The following LRP1B variants were observed in gnomAD, a reference collection of about 807,000 sequenced individuals.
LRP1B encodes low-density lipoprotein receptor-related protein 1B.
LRP1B carries 217 observed loss-of-function variants against 556.6 expected under a neutral mutation model. The ratio of observed to expected loss-of-function variants is 0.39; its 90% CI spans 0.35 to 0.44. The LOEUF (loss-of-function observed/expected upper bound fraction) is 0.44. Among genes scored for constraint, LRP1B ranks in the 20% least tolerant of loss-of-function variants. The probability of loss-of-function intolerance (pLI) is 1.00; values close to 1 mark genes in which losing one functional copy is unlikely to be tolerated. For missense variants in LRP1B, 5,053 were observed against 5,620.8 expected, an observed-to-expected ratio of 0.90 and a Z score of 3.23; for synonymous variants, 2,047 against 1,865.8, an observed-to-expected ratio of 1.10 and a Z score of -2.50.
intron 3 of LRP1B, among the ~76,000 whole-genome samples, chr2:141,290,124 C>A (rs557258728): frequency 1.3e-5 from 2 of 152,224 alleles, no homozygotes; most frequent in African/African-American, 4.8e-5. Context: ...ACCTCTCCCT[C>A]CTGCTTCATG....
At chr2:141,444,379 G>T (rs965926670) in intron 3 of LRP1B, among the ~76,000 whole-genome samples, 1 of 152,126 alleles carries the variant, frequency 6.6e-6, no homozygotes, top group South Asian at 2.1e-4. Context: ...ATCTCAAATA[G>T]AGATAATTTG....
chr2:140,313,090 CTAAAATACCAAACAATGTTTTTA>C (rs1193936802), intron 83 of LRP1B, among the ~76,000 whole-genome samples: 17 of 151,754 alleles, frequency 1.1e-4, no homozygotes, highest in Non-Finnish European at 2.4e-4. Context: ...GTTCTACAGT[CTAAAATACCAAACAATGTTTTTA>C]TAAAACCACA....
chr2:141,894,915 G>T (rs1463804645), intron 1 of LRP1B, among the ~76,000 whole-genome samples: 1 of 151,716 alleles, frequency 6.6e-6, no homozygotes, highest in East Asian at 1.9e-4. Flanking sequence ...GGGCATGGTG[G>T]TGCATGCCTG....
At chr2:141,017,338 G>A (rs943654695) in intron 12 of LRP1B, among the ~76,000 whole-genome samples, 4 of 151,260 alleles carry the variant, frequency 2.6e-5, no homozygotes, top group African/African-American at 9.7e-5. Flanking sequence ...AATCAATACG[G>A]TTTTATTTTT....
intron 7 of LRP1B, among the ~76,000 whole-genome samples, chr2:141,145,497 T>TA (rs1417134044): frequency 1.3e-5 from 2 of 152,116 alleles, no homozygotes; most frequent in South Asian, 2.1e-4. Context: ...ATACCTGTCA[T>TA]AAAATACTGT....
At chr2:142,096,771 T>C (rs1706385261) in intron 1 of LRP1B, among the ~76,000 whole-genome samples, 1 of 151,640 alleles carries the variant, frequency 6.6e-6, no homozygotes, top group African/African-American at 2.4e-5. Context: ...TGTGCATTTG[T>C]TACCTGGTAT....
chr2:141,854,078 T>C (rs1697957311), intron 1 of LRP1B, among the ~76,000 whole-genome samples: 1 of 151,996 alleles, frequency 6.6e-6, no homozygotes, highest in South Asian at 2.1e-4. Context: ...CCATTAAACA[T>C]TGCAATAAAA....
intron 1 of LRP1B, among the ~76,000 whole-genome samples, chr2:141,841,224 C>G (rs960445422): frequency 6.6e-6 from 1 of 152,042 alleles, no homozygotes; most frequent in Non-Finnish European, 1.5e-5. Context: ...TTGAGTGTTA[C>G]TCTTGTGAGC....
At chr2:140,813,919 C>T in intron 31 of LRP1B, 113 bp from the exon 32 acceptor site, 1 of 724,456 alleles carries the variant, frequency 1.4e-6, no homozygotes, top group Non-Finnish European at 2.3e-6. Flanking sequence ...AGATTTTTGT[C>T]TTTACAAATA....
chr2:141,423,789 A>G (rs1252353146), intron 3 of LRP1B, among the ~76,000 whole-genome samples: 1 of 151,178 alleles, frequency 6.6e-6, no homozygotes, highest in Non-Finnish European at 1.5e-5. Flanking sequence ...CATTTAATAT[A>G]CTACTGTTTT....
chr2:141,229,557 T>G (rs1683381295), intron 5 of LRP1B, 117 bp from the exon 6 acceptor site: 1 of 805,444 alleles, frequency 1.2e-6, no homozygotes, highest in African/African-American at 1.8e-5. Context: ...AACAAAAATT[T>G]TCTTATAAAA....
At chr2:141,373,852 CTT>C (rs1689329901) in intron 3 of LRP1B, among the ~76,000 whole-genome samples, 1 of 151,742 alleles carries the variant, frequency 6.6e-6, no homozygotes, top group Non-Finnish European at 1.5e-5. Flanking sequence ...TTCCTTTTCT[CTT>C]TGTTTTATTT....
intron 3 of LRP1B, among the ~76,000 whole-genome samples, chr2:141,375,986 G>A (rs975316619): frequency 5.3e-5 from 8 of 152,216 alleles, no homozygotes; most frequent in East Asian, 1.9e-4. Flanking sequence ...AGAAGCTGTC[G>A]GGAGAGCAGC....
In LRP1B at chr2:141,570,663, G is replaced by A. The variant is rs540404854; in HGVS notation, c.206-90130C>T. 1.3e-5 allele frequency among the ~76,000 whole-genome samples: 2 copies of A among 151,238 alleles called. 1 individual carries two copies. Among genetic ancestry groups the A allele is most frequent in the Non-Finnish European group, 3.0e-5 (2 of 67,416 alleles). ...GCCTAACAAGCTAAGCTCCCCGGTT[G>A]GGGGAAGGGCGGCATCCATCTCTAT... On this transcript the variant is annotated intron_variant, in intron 2 of 90. Coordinates refer to ENST00000389484, the MANE Select transcript of LRP1B (RefSeq NM_018557.3).
chr2:141,471,275 T>TG lies in LRP1B; in HGVS notation c.343+9120_343+9121insC, dbSNP rs1559089345. Among the ~76,000 whole-genome samples, 383 of 87,852 alleles carry TG rather than the reference T, an allele frequency of 4.4e-3. 5 individuals are homozygous for TG. Among genetic ancestry groups the TG allele is most frequent in the African/African-American group, 0.011 (355 of 31,702 alleles). 57.6% of individuals were successfully genotyped at this position (87,852 alleles called of 152,430 possible). A position where few individuals can be genotyped will look rare whatever the true frequency, so the allele number is the denominator to read the frequency against. On this transcript the variant is annotated intron_variant, in intron 3 of 90. Transcript: ENST00000389484. ...TTGAGAATATACCCTGGTATTTTTT[T>TG]TTTTTTTTTTTTTTTTTTTACTCTC...
At chr2:140,659,316 G>C (rs531406638) in intron 41 of LRP1B, among the ~76,000 whole-genome samples, 1 of 151,806 alleles carries the variant, frequency 6.6e-6, no homozygotes, top group South Asian at 2.1e-4. Flanking sequence ...TAGACATATG[G>C]AATGATACTA....
intron 2 of LRP1B, among the ~76,000 whole-genome samples, chr2:141,758,082 T>G (rs1297320081): frequency 6.6e-6 from 1 of 152,212 alleles, no homozygotes; most frequent in Non-Finnish European, 1.5e-5. Context: ...CTGTAGTTTA[T>G]GCAAATCATA....
chr2:140,245,718 A>G (rs1240601000), intron 87 of LRP1B, among the ~76,000 whole-genome samples: 1 of 151,340 alleles, frequency 6.6e-6, no homozygotes, highest in Non-Finnish European at 1.5e-5. Context: ...TTGGGAAGAG[A>G]GATAAAGTAT....
chr2:141,473,215 G>GA (rs1161117669), intron 3 of LRP1B, among the ~76,000 whole-genome samples: 8 of 152,034 alleles, frequency 5.3e-5, no homozygotes, highest in African/African-American at 1.9e-4. Context: ...CTAAGTCCCT[G>GA]AAAAAATGAA....
Sources: allele counts gnomAD v4.1 joint callset (sites outside exome capture counted in the v4.1 genomes callset), GRCh38; gene constraint gnomAD v4.1.1; transcripts MANE v1.5; gene names NCBI Gene and HGNC (gene_info 2026-07-23, HGNC 2026-07-21).